The following CNST variants were observed in gnomAD, a reference collection of about 807,000 sequenced individuals.
The protein encoded by CNST is consortin, connexin sorting protein.
A neutral mutation model predicts 72.4 loss-of-function variants in CNST; 39 were observed. That is an observed-to-expected ratio of 0.54 (90% CI 0.42 to 0.70). The LOEUF (loss-of-function observed/expected upper bound fraction) is 0.70, where lower values mean the gene tolerates loss of function less well. CNST is among the 30% of genes least tolerant of loss of function. The pLI is 0.00. For missense variants in CNST, 871 were observed against 868.5 expected (o/e 1.00, Z -0.04); for synonymous variants, 332 against 320.1 (o/e 1.04, Z -0.40).
chr1:246,568,099 G>A (rs139791569), intron 1 of CNST, among the ~76,000 whole-genome samples: 3 of 151,972 alleles, frequency 2.0e-5, no homozygotes, highest in East Asian at 1.9e-4. Context: ...CCGGGAGTTC[G>A]AAGCCAGACT....
At chr1:246,582,890 C>G (rs901004736) in intron 1 of CNST, among the ~76,000 whole-genome samples, 1 of 152,174 alleles carries the variant, frequency 6.6e-6, no homozygotes. Flanking sequence ...TCCTCCAGAC[C>G]GTGGCTGAAG....
chr1:246,568,099 G>C (rs139791569), intron 1 of CNST, among the ~76,000 whole-genome samples: 3 of 151,854 alleles, frequency 2.0e-5, no homozygotes, highest in Non-Finnish European at 4.4e-5. Context: ...CCGGGAGTTC[G>C]AAGCCAGACT....
intron 9 of CNST, 90 bp from the exon 10 acceptor site, chr1:246,660,109 C>T: frequency 9.0e-7 from 1 of 1,106,876 alleles, no homozygotes; most frequent in South Asian, 1.9e-5. Flanking sequence ...AATAAAAATT[C>T]AAATATCTGT....
At chr1:246,621,348 C>G in intron 2 of CNST, 81 bp from the exon 3 acceptor site, 1 of 1,122,990 alleles carries the variant, frequency 8.9e-7, no homozygotes, top group Non-Finnish European at 1.3e-6. Context: ...GCCAGGGCAT[C>G]AAACTATATG....
intron 10 of CNST, among the ~76,000 whole-genome samples, chr1:246,661,870 T>C (rs1311501057): frequency 1.3e-5 from 2 of 152,340 alleles, no homozygotes; most frequent in African/African-American, 2.4e-5. Flanking sequence ...AATAATGTCC[T>C]AACCCCTGAT....
At chr1:246,590,970 T>C (rs1661511822) in intron 1 of CNST, among the ~76,000 whole-genome samples, 1 of 151,992 alleles carries the variant, frequency 6.6e-6, no homozygotes, top group Admixed American at 6.6e-5. Context: ...AAATATATGC[T>C]ACCTAAACTT....
intron 9 of CNST, among the ~76,000 whole-genome samples, chr1:246,652,742 C>G (rs372533737): frequency 2.2e-4 from 33 of 151,902 alleles, no homozygotes; most frequent in Non-Finnish European, 3.8e-4. Flanking sequence ...CAGTGGCTCA[C>G]GCCTGTAATC....
chr1:246,578,913 A>C (rs1010936960), intron 1 of CNST, among the ~76,000 whole-genome samples: 6 of 152,134 alleles, frequency 3.9e-5, no homozygotes, highest in Non-Finnish European at 8.8e-5. Flanking sequence ...TTTACCTATT[A>C]GTGCTTCAAA....
chr1:246,606,953 C>CAGGGGTATGTTAT (rs1344017628), intron 2 of CNST: 1 of 125,760 alleles, frequency 8.0e-6, no homozygotes, highest in East Asian at 2.1e-4. Flanking sequence ...TGCACTTAGG[C>CAGGGGTATGTTAT]AGGCGTATGT....
At chr1:246,632,416 TG>T in intron 4 of CNST, 1 of 211,058 alleles carries the variant, frequency 4.7e-6, no homozygotes, top group South Asian at 1.2e-4. Context: ...GCCTTCCCCT[TG>T]GATAATGCAG....
chr1:246,660,303 A>T lies in CNST; in HGVS notation c.1941A>T (p.Arg647Ser), dbSNP rs1414686225. 1 of 1,614,164 alleles carries T rather than the reference A, an allele frequency of 6.2e-7. No individual in the cohort carries two copies. Among genetic ancestry groups the T allele is most frequent in the Admixed American group, 1.7e-5 (1 of 60,010 alleles). ...ACAAACCATCTAAGCGAAGAGTGAG[A>T]TTCCAAGAAATAGACGATAGCTTGG... is the stretch of plus-strand genomic sequence containing the variant. ...MQHKPSKRRVRFQEIDDSLDQ... is the reference protein window; with the variant it reads ...MQHKPSKRRVSFQEIDDSLDQ... Residue 647 changes from arginine to serine, a missense_variant, in exon 10 of 11, where the codon AGA becomes AGT. Coordinates refer to ENST00000366513, the MANE Select transcript of CNST (RefSeq NM_152609.3).
In CNST at chr1:246,665,794, C is replaced by A; in HGVS notation, c.2067C>A (p.Phe689Leu). The A allele has an allele frequency of 1.2e-6, 2 of 1,613,564 alleles. No homozygotes were observed. Among genetic ancestry groups the A allele is most frequent in the Non-Finnish European group, 8.5e-7 (1 of 1,179,572 alleles). The stretch of plus-strand genomic sequence containing the variant: ...GAGGAACTGCATTATACTGCACTTT[C>A]GGTGACATGGAGTCACCTGTTTGTA... ...SVGGTALYCT[F>L]GDMESPVCTD... is the part of the protein sequence containing the mutation. The change falls in exon 11 of 11, where the codon TTC becomes TTA. Residue 689 changes from phenylalanine to leucine, a missense_variant. Phe to Leu is a conservative substitution (Grantham distance 22, BLOSUM62 0). Coordinates refer to ENST00000366513, the MANE Select transcript of CNST (RefSeq NM_152609.3).
At chr1:246,662,647 T>C (rs2103172203) in intron 10 of CNST, among the ~76,000 whole-genome samples, 1 of 152,346 alleles carries the variant, frequency 6.6e-6, no homozygotes, top group East Asian at 1.9e-4. Context: ...TGCCTCGGCC[T>C]CCCAAAGTGC....
chr1:246,631,805 T>C, intron 3 of CNST, 89 bp from the exon 4 acceptor site: 1 of 856,248 alleles, frequency 1.2e-6, no homozygotes, highest in Non-Finnish European at 2.0e-6. Context: ...CAAAAACATT[T>C]GGAATTTCAA....
At chr1:246,615,387 G>C (rs1663618642) in intron 2 of CNST, among the ~76,000 whole-genome samples, 2 of 151,808 alleles carry the variant, frequency 1.3e-5, no homozygotes, top group South Asian at 4.1e-4. Context: ...GTGTTAGCCA[G>C]GATGGTCTCG....
intron 6 of CNST, among the ~76,000 whole-genome samples, chr1:246,640,658 G>A (rs1451434035): frequency 6.6e-6 from 1 of 152,116 alleles, no homozygotes; most frequent in Non-Finnish European, 1.5e-5. Flanking sequence ...ATCATGGAGA[G>A]TAAACTAAAG....
At chr1:246,599,336 G>A (rs1662109027) in intron 2 of CNST, among the ~76,000 whole-genome samples, 1 of 152,014 alleles carries the variant, frequency 6.6e-6, no homozygotes, top group African/African-American at 2.4e-5. Flanking sequence ...GGTTCCTACT[G>A]GGCTAACATC....
At chr1:246,569,778 T>C (rs1659952739) in intron 1 of CNST, 1 of 173,178 alleles carries the variant, frequency 5.8e-6, no homozygotes, top group African/African-American at 2.4e-5. Flanking sequence ...GCTTGTTTAA[T>C]GAGGCTCATA....
At chr1:246,651,113 A>G (rs1195153964) in intron 9 of CNST, among the ~76,000 whole-genome samples, 1 of 151,752 alleles carries the variant, frequency 6.6e-6, no homozygotes, top group Non-Finnish European at 1.5e-5. Flanking sequence ...CACTTGGCTG[A>G]TTTTACTGGA....
Sources: allele counts gnomAD v4.1 joint callset (sites outside exome capture counted in the v4.1 genomes callset), GRCh38; gene constraint gnomAD v4.1.1; transcripts MANE v1.5; gene names NCBI Gene and HGNC (gene_info 2026-07-23, HGNC 2026-07-21).